Variants in AFF1 observed in about 807,000 individuals in gnomAD.
AFF1 encodes the protein AF4/FMR2 family member 1.
AFF1 carries 48 observed loss-of-function variants against 121.7 expected under a neutral mutation model. That is an observed-to-expected ratio of 0.39 (90% CI 0.31 to 0.50). The LOEUF (loss-of-function observed/expected upper bound fraction) is 0.50. Among genes scored for constraint, AFF1 ranks in the 20% least tolerant of loss-of-function variants. The pLI is 0.76. For missense variants in AFF1, 1,523 were observed against 1,511.7 expected, an observed-to-expected ratio of 1.01 and a Z score of -0.12; for synonymous variants, 613 against 563.0, an observed-to-expected ratio of 1.09 and a Z score of -1.26.
At chr4:86,979,568 ATTT>A (rs1723570345) in intron 2 of AFF1, among the ~76,000 whole-genome samples, 1 of 152,136 alleles carries the variant, frequency 6.6e-6, no homozygotes, top group South Asian at 2.1e-4. Context: ...CTTTGTGAAA[ATTT>A]TATTTGAAAG....
intron 8 of AFF1, among the ~76,000 whole-genome samples, chr4:87,101,521 G>A (rs1290454543): frequency 6.6e-6 from 1 of 152,070 alleles, no homozygotes; most frequent in Non-Finnish European, 1.5e-5. Context: ...AGAGTTTGCA[G>A]TGAGCCATAA....
intron 1 of AFF1, among the ~76,000 whole-genome samples, 152 bp from the exon 2 acceptor site, chr4:86,948,342 ATAGT>A (rs1390361926): frequency 1.3e-5 from 2 of 152,146 alleles, no homozygotes; most frequent in Non-Finnish European, 2.9e-5. Flanking sequence ...TATATACTAG[ATAGT>A]TTGTTCATAC....
At chr4:87,120,778 A>C (rs143907444) in intron 12 of AFF1, among the ~76,000 whole-genome samples, 1 of 152,280 alleles carries the variant, frequency 6.6e-6, no homozygotes, top group African/African-American at 2.4e-5. Flanking sequence ...TTCACAGCCA[A>C]ACTCCTGGTT....
chr4:87,037,243 G>A (rs340630), intron 2 of AFF1, among the ~76,000 whole-genome samples: 64,370 of 152,000 alleles, frequency 0.42, 16,327 homozygotes, highest in South Asian at 0.65. Flanking sequence ...TAAAAACAAC[G>A]TTAACAAAAT....
At chr4:86,997,781 C>T (rs1725332441) in intron 2 of AFF1, among the ~76,000 whole-genome samples, 2 of 147,186 alleles carry the variant, frequency 1.4e-5, no homozygotes, top group African/African-American at 2.5e-5. Context: ...AAAATGCATA[C>T]TTAAGAGAAA....
At chr4:86,956,272 T>G (rs1269864789) in intron 2 of AFF1, among the ~76,000 whole-genome samples, 2 of 152,210 alleles carry the variant, frequency 1.3e-5, no homozygotes, top group Non-Finnish European at 2.9e-5. Flanking sequence ...TTAAGATGAG[T>G]CACTCAGTTT....
chr4:87,097,687 G>C (rs781638010), intron 8 of AFF1, among the ~76,000 whole-genome samples: 1 of 152,172 alleles, frequency 6.6e-6, no homozygotes, highest in Non-Finnish European at 1.5e-5. Context: ...TACTGAGGCC[G>C]AGTAGATAAT....
intron 4 of AFF1, among the ~76,000 whole-genome samples, chr4:87,083,759 G>A (rs777257489): frequency 6.6e-6 from 1 of 152,022 alleles, no homozygotes; most frequent in Non-Finnish European, 1.5e-5. Flanking sequence ...TAATCTCTCT[G>A]GTCTTATTTC....
chr4:87,064,568 T>C (rs554952378), intron 4 of AFF1, among the ~76,000 whole-genome samples: 1 of 152,214 alleles, frequency 6.6e-6, no homozygotes, highest in African/African-American at 2.4e-5. Context: ...ATGGTGAGAC[T>C]GTCTCTACAA....
At chr4:87,049,954 T>G (rs1315630336) in intron 4 of AFF1, among the ~76,000 whole-genome samples, 1 of 152,188 alleles carries the variant, frequency 6.6e-6, no homozygotes, top group Non-Finnish European at 1.5e-5. Context: ...TGCACAGACT[T>G]AGCATTAATT....
At position 86,949,165 on chromosome 4, in the gene AFF1, T is replaced by A. The variant is rs910506776; in HGVS notation, c.38+594T>A. Among the ~76,000 whole-genome samples, 231 of 117,386 alleles carry A rather than the reference T, an allele frequency of 2.0e-3. 1 individual carries two copies. The highest frequency in any genetic ancestry group is 2.6e-3 in the African/African-American group (87 of 33,568). 77.0% of individuals were successfully genotyped at this position (117,386 alleles called of 152,430 possible). ...ATTTAAAGTATTAGCTATTCAAAAA[T>A]ATATATATATATATATTTTTTTTTT... On this transcript the variant is annotated intron_variant, in intron 2 of 20. Coordinates refer to ENST00000395146, the MANE Select transcript of AFF1 (RefSeq NM_001166693.3).
At chr4:86,941,369 C>G (rs2149441466) in intron 1 of AFF1, among the ~76,000 whole-genome samples, 1 of 152,024 alleles carries the variant, frequency 6.6e-6, no homozygotes, top group East Asian at 1.9e-4. Flanking sequence ...TAAAAAATAG[C>G]CAGGCGGGCC....
intron 2 of AFF1, among the ~76,000 whole-genome samples, chr4:86,958,708 ACT>A (rs1254151751): frequency 6.6e-6 from 1 of 151,948 alleles, no homozygotes; most frequent in East Asian, 1.9e-4. Context: ...ACAGAGTAAG[ACT>A]CTCTCAAAAA....
chr4:87,075,442 A>G (rs1468174464), intron 4 of AFF1, among the ~76,000 whole-genome samples: 3 of 152,192 alleles, frequency 2.0e-5, no homozygotes, highest in Non-Finnish European at 2.9e-5. Flanking sequence ...CTCATTTATT[A>G]AATGAACTGG....
intron 2 of AFF1, among the ~76,000 whole-genome samples, chr4:87,043,425 G>A (rs1730357903): frequency 6.6e-6 from 1 of 152,210 alleles, no homozygotes; most frequent in Non-Finnish European, 1.5e-5. Context: ...CTGGCTCAAA[G>A]TGGCTATAAA....
At chr4:87,007,276 C>T in intron 2 of AFF1, 5 of 1,552,332 alleles carry the variant, frequency 3.2e-6, no homozygotes, top group Non-Finnish European at 4.3e-6. Flanking sequence ...CAGGTAGTCC[C>T]GTAACATCGG....
chr4:87,105,545 A>T, intron 8 of AFF1, 83 bp from the exon 9 acceptor site: 1 of 1,446,898 alleles, frequency 6.9e-7, no homozygotes, highest in South Asian at 1.2e-5. Context: ...TTGTTTAATT[A>T]GGCATATTTT....
intron 4 of AFF1, among the ~76,000 whole-genome samples, chr4:87,065,578 G>A (rs1165890545): frequency 6.6e-6 from 1 of 151,990 alleles, no homozygotes; most frequent in Non-Finnish European, 1.5e-5. Flanking sequence ...TTATGACGCA[G>A]TGCCGCTATC....
intron 8 of AFF1, among the ~76,000 whole-genome samples, chr4:87,098,728 G>GATT (rs1725123804): frequency 1.3e-5 from 2 of 152,148 alleles, no homozygotes; most frequent in African/African-American, 2.4e-5. Context: ...TAAAATAAGA[G>GATT]ACAGAAATTA....
Sources: allele counts gnomAD v4.1 joint callset (sites outside exome capture counted in the v4.1 genomes callset), GRCh38; gene constraint gnomAD v4.1.1; transcripts MANE v1.5; gene names NCBI Gene and HGNC (gene_info 2026-07-23, HGNC 2026-07-21).